The following DOCK10 variants were observed in gnomAD, a reference collection of about 807,000 sequenced individuals.
DOCK10 encodes the protein dedicator of cytokinesis 10.
DOCK10 carries 145 observed loss-of-function variants against 280.1 expected under a neutral mutation model. That is an observed-to-expected ratio of 0.52 (90% CI 0.45 to 0.59). DOCK10 has a LOEUF of 0.59. DOCK10 is among the 20% of genes least tolerant of loss of function. The pLI is 0.00. For synonymous variants in DOCK10, 915 were observed against 942.2 expected (o/e 0.97, Z 0.53); for missense variants, 2,368 against 2,651.7 (o/e 0.89, Z 2.35).
rs756860055 is a variant in DOCK10 at position 224,864,722 on chromosome 2, T to G, written c.1480-47A>C. 3.2e-6 allele frequency: 5 copies of G among 1,583,056 alleles called. No homozygotes were observed. The African/African-American group carries it at 4.1e-5, about 13-fold the overall frequency. On this transcript the variant is annotated intron_variant, in intron 12 of 55. Transcript: ENST00000258390. The stretch of plus-strand genomic sequence containing the variant: ...AATAAGCATGGAAGAAACCACATTG[T>G]AGACATTTACAAAATTCCATTTTTT...
chr2:224,892,697 C>T (rs1699769238), intron 4 of DOCK10, among the ~76,000 whole-genome samples: 3 of 152,206 alleles, frequency 2.0e-5, no homozygotes, highest in Admixed American at 2.0e-4. Flanking sequence ...GGGCTGGAAA[C>T]AGTGCAGGAG....
In DOCK10 at chr2:225,024,321, A is replaced by T. The variant is rs563256666; in HGVS notation, c.123+17931T>A. 2.0e-5 allele frequency among the ~76,000 whole-genome samples: 3 copies of T among 152,332 alleles called. No individual in the cohort carries two copies. The East Asian group carries it at 5.8e-4, about 29-fold the overall frequency. ...ATTTCTTGATCTTGGTCATTATATT[A>T]TAGTTGTGTAAGAGAATTTCTTTTA... On this transcript the variant is annotated intron_variant, in intron 1 of 55. Transcript: ENST00000258390.
At chr2:224,919,296 T>A (rs928957679) in intron 2 of DOCK10, among the ~76,000 whole-genome samples, 1 of 146,274 alleles carries the variant, frequency 6.8e-6, no homozygotes, top group Non-Finnish European at 1.5e-5. Context: ...TGTACACATG[T>A]GAATGGGTGT....
intron 1 of DOCK10, among the ~76,000 whole-genome samples, chr2:224,964,856 T>C (rs1156485750): frequency 1.3e-5 from 2 of 152,208 alleles, no homozygotes; most frequent in Non-Finnish European, 2.9e-5. Flanking sequence ...GAACACATAC[T>C]TCAAGGATAC....
chr2:224,898,552 G>A (rs779277496), intron 3 of DOCK10, among the ~76,000 whole-genome samples: 1 of 152,206 alleles, frequency 6.6e-6, no homozygotes, highest in African/African-American at 2.4e-5. Flanking sequence ...ATTCTGCAAA[G>A]CACGTGTTTC....
In DOCK10 at chr2:224,849,562, G is replaced by A. The variant is rs1471406306; in HGVS notation, c.2180C>T (p.Ser727Leu). The change falls in exon 19 of 56, where the codon TCA becomes TTA. Residue 727 changes from serine (S) to leucine (L), a missense_variant. Ser to Leu is a moderately radical substitution (Grantham distance 145). Coordinates refer to ENST00000258390, the MANE Select transcript of DOCK10 (RefSeq NM_014689.3). ...YGKPGGPLFT[S>L]AAYTAVLHHS... ...GTGCAGAACTGCTGTGTAGGCGGCT[G>A]AGGTGAAGAGGGGCCCTCCAGGTTT... 6.2e-7 allele frequency: 1 copy of A among 1,611,810 alleles called. No individual in the cohort carries two copies. The highest frequency in any genetic ancestry group is 1.1e-5 in the South Asian group (1 of 90,320).
intron 1 of DOCK10, among the ~76,000 whole-genome samples, chr2:225,036,418 G>A (rs182434804): frequency 5.6e-4 from 85 of 152,256 alleles, no homozygotes; most frequent in Non-Finnish European, 4.3e-4. Context: ...CATTGTATTG[G>A]ACCCTCATCA....
chr2:224,800,329 T>C (rs184123333), intron 40 of DOCK10, 66 bp from the exon 41 acceptor site: 18 of 888,556 alleles, frequency 2.0e-5, no homozygotes, highest in Non-Finnish European at 3.1e-5. Context: ...ATAAAGGATT[T>C]CCTTTCATTA....
intron 1 of DOCK10, among the ~76,000 whole-genome samples, chr2:224,991,359 A>G (rs1008326927): frequency 1.3e-5 from 2 of 152,244 alleles, no homozygotes; most frequent in African/African-American, 4.8e-5. Flanking sequence ...CCATTGGCTA[A>G]TAAGAGTAAG....
intron 50 of DOCK10, among the ~76,000 whole-genome samples, chr2:224,784,999 G>A (rs1691635509): frequency 1.3e-5 from 2 of 152,134 alleles, no homozygotes; most frequent in Admixed American, 1.3e-4. Flanking sequence ...CTACTTCTGT[G>A]CTGCTCAGTT....
rs1292683972 is a variant in DOCK10 at position 224,852,458 on chromosome 2, GA to G, written c.2077-17del. ...TATTCCGTGCCTGAAATTACGGAGA[GA>G]AAAAATGGAAATTGTAATTTCCTAT... On this transcript the variant is annotated splice_polypyrimidine_tract_variant and intron_variant, in intron 17 of 55. Coordinates refer to ENST00000258390, the MANE Select transcript of DOCK10 (RefSeq NM_014689.3). 6.5e-7 allele frequency: 1 copy of G among 1,541,200 alleles called. No homozygotes were observed. Among genetic ancestry groups the G allele is most frequent in the Non-Finnish European group, 8.8e-7 (1 of 1,140,172 alleles).
chr2:224,873,954 T>C (rs756337830), intron 11 of DOCK10, 42 bp downstream of exon 11: 1 of 1,570,358 alleles, frequency 6.4e-7, no homozygotes, highest in South Asian at 1.2e-5. Flanking sequence ...GGTGGTGTAA[T>C]GTTGGCTTAA....
At chr2:224,817,781 C>T (rs1266809217) in intron 29 of DOCK10, among the ~76,000 whole-genome samples, 1 of 152,164 alleles carries the variant, frequency 6.6e-6, no homozygotes, top group African/African-American at 2.4e-5. Context: ...AATCATGTAA[C>T]TCCTCTGGTC....
chr2:224,878,160 T>C (rs1266908637), intron 7 of DOCK10, among the ~76,000 whole-genome samples: 1 of 152,216 alleles, frequency 6.6e-6, no homozygotes, highest in Non-Finnish European at 1.5e-5. Flanking sequence ...TTCTCTTTCT[T>C]TGGGATACTC....
chr2:224,851,129 G>T (rs1696700600), intron 18 of DOCK10, among the ~76,000 whole-genome samples: 1 of 152,192 alleles, frequency 6.6e-6, no homozygotes, highest in South Asian at 2.1e-4. Context: ...GGCCAGGGCT[G>T]TGATATGGCA....
intron 27 of DOCK10, among the ~76,000 whole-genome samples, chr2:224,826,971 A>G (rs1452633022): frequency 6.6e-6 from 1 of 151,146 alleles, no homozygotes; most frequent in Non-Finnish European, 1.5e-5. Context: ...ATCAAGGGGA[A>G]AAAAAAATGG....
intron 1 of DOCK10, among the ~76,000 whole-genome samples, chr2:225,027,541 G>A (rs940241328): frequency 5.3e-5 from 8 of 152,072 alleles, no homozygotes; most frequent in African/African-American, 7.2e-5. Flanking sequence ...AACACCATCC[G>A]CCCTGGTACT....
intron 50 of DOCK10, among the ~76,000 whole-genome samples, chr2:224,783,719 C>T (rs1186441201): frequency 6.7e-6 from 1 of 150,264 alleles, no homozygotes; most frequent in East Asian, 2.0e-4. Flanking sequence ...TCCCCACTGC[C>T]CCCCCTCAGT....
At chr2:225,003,168 T>TC (rs1251511648) in intron 1 of DOCK10, among the ~76,000 whole-genome samples, 2 of 152,120 alleles carry the variant, frequency 1.3e-5, no homozygotes, top group African/African-American at 4.8e-5. Context: ...CACCTCAGCC[T>TC]CCCGAGTAGC....
Sources: gnomAD v4.1 joint callset for allele counts (sites outside exome capture counted in the v4.1 genomes callset) on GRCh38, gnomAD v4.1.1 for gene constraint, MANE v1.5 for transcripts, NCBI Gene and HGNC (gene_info 2026-07-23, HGNC 2026-07-21) for gene names.